The following PDE7B variants were observed in gnomAD, a reference collection of about 807,000 sequenced individuals.
PDE7B encodes 3',5'-cyclic-AMP phosphodiesterase 7B.
Under a neutral mutation model 56.2 loss-of-function variants are expected in PDE7B, and 29 were observed. The ratio of observed to expected loss-of-function variants is 0.52; its 90% CI spans 0.38 to 0.70. The LOEUF (loss-of-function observed/expected upper bound fraction) is 0.70, where lower values mean the gene tolerates loss of function less well. PDE7B is among the 30% of genes least tolerant of loss of function. The pLI is 0.00. For synonymous variants in PDE7B, 197 were observed against 196.9 expected (o/e 1.00, Z 0.00); for missense variants, 490 against 565.0 (o/e 0.87, Z 1.35).
chr6:135,908,258 T>C (rs1776151095), intron 1 of PDE7B, among the ~76,000 whole-genome samples: 1 of 135,454 alleles, frequency 7.4e-6, no homozygotes, highest in African/African-American at 3.4e-5. Flanking sequence ...CCGACTAATT[T>C]TGTATTTTTT....
intron 5 of PDE7B, among the ~76,000 whole-genome samples, chr6:136,150,895 A>T (rs893599705): frequency 6.6e-6 from 1 of 151,550 alleles, no homozygotes; most frequent in Non-Finnish European, 1.5e-5. Flanking sequence ...CTGACACCTC[A>T]GTAGGCAGAT....
At chr6:135,885,007 G>T (rs893753086) in intron 1 of PDE7B, among the ~76,000 whole-genome samples, 1 of 152,126 alleles carries the variant, frequency 6.6e-6, no homozygotes, top group South Asian at 2.1e-4. Flanking sequence ...TCATGGAAAA[G>T]CCAGGGGGAT....
intron 12 of PDE7B, among the ~76,000 whole-genome samples, chr6:136,188,362 A>G (rs1005217850): frequency 6.6e-6 from 1 of 152,148 alleles, no homozygotes; most frequent in African/African-American, 2.4e-5. Flanking sequence ...GGTGGCATAG[A>G]AAAAATACAA....
chr6:136,160,551 C>T (rs1778687579), intron 8 of PDE7B, among the ~76,000 whole-genome samples: 1 of 152,146 alleles, frequency 6.6e-6, no homozygotes, highest in African/African-American at 2.4e-5. Flanking sequence ...ACACCAGCAT[C>T]ATCCTCTCAT....
chr6:135,852,787 A>G (rs1562410045), intron 1 of PDE7B, among the ~76,000 whole-genome samples: 1 of 152,196 alleles, frequency 6.6e-6, no homozygotes. Context: ...CAGATATTCA[A>G]TTAGGGGCTT....
At position 136,173,908 on chromosome 6, in the gene PDE7B, A is replaced by G. The variant is rs779742170; in HGVS notation, c.803+20A>G. 2.6e-6 allele frequency: 4 copies of G among 1,546,110 alleles called. No individual in the cohort carries two copies. The South Asian group carries it at 4.5e-5, about 17-fold the overall frequency. ...AATGACGTAAGTGCTGCCGAGATGA[A>G]ACATACTGATGTGCATGCAGTAAAG... is the stretch of plus-strand genomic sequence containing the variant. On this transcript the variant is annotated intron_variant, in intron 9 of 12. Transcript: ENST00000308191.
intron 1 of PDE7B, among the ~76,000 whole-genome samples, chr6:135,889,521 A>T (rs1380265111): frequency 1.4e-5 from 2 of 144,734 alleles, no homozygotes; most frequent in Non-Finnish European, 3.0e-5. Flanking sequence ...GCTCACTGTA[A>T]CCTCCACCTC....
intron 2 of PDE7B, among the ~76,000 whole-genome samples, chr6:136,051,505 T>C (rs1009370339): frequency 5.3e-5 from 8 of 152,174 alleles, no homozygotes; most frequent in African/African-American, 1.7e-4. Flanking sequence ...TATCCTGAAA[T>C]TGTGAATTAT....
intron 1 of PDE7B, among the ~76,000 whole-genome samples, chr6:135,882,871 C>A (rs554162410): frequency 6.6e-6 from 1 of 152,082 alleles, no homozygotes; most frequent in African/African-American, 2.4e-5. Flanking sequence ...TTTATGGTTC[C>A]CATTATTATA....
chr6:135,988,493 A>G (rs1036381146), intron 2 of PDE7B, among the ~76,000 whole-genome samples: 3 of 152,228 alleles, frequency 2.0e-5, no homozygotes, highest in African/African-American at 7.2e-5. Flanking sequence ...TTACATTTTA[A>G]GAGCCCACTG....
intron 1 of PDE7B, among the ~76,000 whole-genome samples, chr6:135,915,238 T>C (rs1293207130): frequency 1.1e-4 from 16 of 152,216 alleles, no homozygotes; most frequent in Non-Finnish European, 4.4e-5. Flanking sequence ...ACATATAAAG[T>C]GGCCAAAACA....
At chr6:136,149,029 A>G in intron 4 of PDE7B, 58 bp from the exon 5 acceptor site, 1 of 1,194,930 alleles carries the variant, frequency 8.4e-7, no homozygotes, top group Non-Finnish European at 1.3e-6. Flanking sequence ...ATCCCAAAGT[A>G]AATGTTTGAG....
intron 1 of PDE7B, among the ~76,000 whole-genome samples, chr6:135,862,788 T>C (rs1243595203): frequency 6.6e-6 from 1 of 151,926 alleles, no homozygotes; most frequent in Non-Finnish European, 1.5e-5. Flanking sequence ...GTGTTTCTTC[T>C]TTTTGAATAT....
rs139081731 is a variant in PDE7B at position 135,963,137 on chromosome 6, T to A, written c.82+15613T>A. Among the ~76,000 whole-genome samples the A allele has an allele frequency of 3.5e-3, 535 of 152,290 alleles. 3 individuals are homozygous for A. Among genetic ancestry groups the A allele is most frequent in the African/African-American group, 0.011 (453 of 41,570 alleles). ...TGTAACACAGCCACACTAGTACACA[T>A]GCATGCACGTGCACATATACACATG... On this transcript the variant is annotated intron_variant, in intron 2 of 12. Transcript: ENST00000308191.
At chr6:135,957,577 C>CCCTT (rs1774819744) in intron 2 of PDE7B, among the ~76,000 whole-genome samples, 1 of 152,126 alleles carries the variant, frequency 6.6e-6, no homozygotes, top group Non-Finnish European at 1.5e-5. Context: ...ACAAATCCCT[C>CCCTT]TCCCTGGTAT....
chr6:136,014,992 G>A (rs113747062), intron 2 of PDE7B, among the ~76,000 whole-genome samples: 38 of 152,172 alleles, frequency 2.5e-4, no homozygotes, highest in African/African-American at 8.2e-4. Flanking sequence ...GTTGAATATC[G>A]ATGTTGAAGT....
chr6:135,969,067 A>T (rs1251276385), intron 2 of PDE7B, among the ~76,000 whole-genome samples: 1 of 152,224 alleles, frequency 6.6e-6, no homozygotes, highest in African/African-American at 2.4e-5. Flanking sequence ...GTTCTCACTT[A>T]TAAATGGCAG....
chr6:136,081,866 C>T (rs1777210922), intron 2 of PDE7B, among the ~76,000 whole-genome samples: 1 of 152,170 alleles, frequency 6.6e-6, no homozygotes, highest in African/African-American at 2.4e-5. Flanking sequence ...TGTTTGCTTA[C>T]ACCTGGTTAT....
intron 2 of PDE7B, among the ~76,000 whole-genome samples, chr6:136,093,262 G>A (rs533888128): frequency 7.9e-5 from 12 of 152,274 alleles, no homozygotes; most frequent in African/African-American, 1.2e-4. Context: ...CAATCCTATC[G>A]TGAGTTAGTG....
Sources: allele counts gnomAD v4.1 joint callset (sites outside exome capture counted in the v4.1 genomes callset), GRCh38; gene constraint gnomAD v4.1.1; transcripts MANE v1.5; gene names NCBI Gene and HGNC (gene_info 2026-07-23, HGNC 2026-07-21).